Variants in COL24A1 observed in about 807,000 individuals in gnomAD.
COL24A1 encodes the protein collagen type XXIV alpha 1 chain.
COL24A1 carries 224 observed loss-of-function variants against 253.9 expected under a neutral mutation model. The observed-to-expected ratio is 0.88, with a 90% CI of 0.79 to 0.99. The LOEUF is 0.99. Ranked by LOEUF, COL24A1 falls within the 50% of genes least tolerant of loss-of-function variation. COL24A1 has a pLI of 0.00. For synonymous variants in COL24A1, 685 were observed against 673.7 expected (o/e 1.02, Z -0.26); for missense variants, 2,131 against 2,068.5 (o/e 1.03, Z -0.59).
intron 41 of COL24A1, 94 bp downstream of exon 41, chr1:85,841,974 T>C: frequency 9.0e-7 from 1 of 1,112,204 alleles, no homozygotes; most frequent in Admixed American, 1.9e-5. Flanking sequence ...AGTGCTTCTT[T>C]TATTCCTTGA....
intron 51 of COL24A1, among the ~76,000 whole-genome samples, chr1:85,782,441 G>A (rs185291473): frequency 1.3e-5 from 2 of 152,216 alleles, no homozygotes; most frequent in Admixed American, 6.5e-5. Flanking sequence ...TGTGCACAAC[G>A]TGCAGGTTAG....
At chr1:85,794,972 T>C (rs1030667923) in intron 47 of COL24A1, among the ~76,000 whole-genome samples, 17 of 152,140 alleles carry the variant, frequency 1.1e-4, no homozygotes, top group Non-Finnish European at 1.9e-4. Context: ...CTGAAACCCA[T>C]GGCTTCCTAA....
In COL24A1 at chr1:85,873,281, G is replaced by A. The variant is rs367992911; in HGVS notation, c.3138+1368C>T. On this transcript the variant is annotated intron_variant, in intron 35 of 59. Transcript: ENST00000370571. ...CAACCATTGTGGAAGACAGTGTGGC[G>A]ATTCCTCAAGGATCTAGAATTAGAA... Among the ~76,000 whole-genome samples, 314 of 152,062 alleles carry A rather than the reference G, an allele frequency of 2.1e-3. 10 individuals are homozygous for A. The South Asian group carries it at 0.052, about 25-fold the overall frequency.
chr1:85,935,572 C>A lies in COL24A1; in HGVS notation c.2563-24139G>T, dbSNP rs557469628. On this transcript the variant is annotated intron_variant, in intron 24 of 59. Transcript: ENST00000370571. ...GTTACTTTAGCTCACTGTACTTCAT[C>A]CTGTACCATTTAGGAAGATGTGACT... Among the ~76,000 whole-genome samples the A allele has an allele frequency of 4.1e-5, 6 of 147,704 alleles. 1 individual carries two copies. Among genetic ancestry groups the A allele is most frequent in the Admixed American group, 1.4e-4 (2 of 14,732 alleles).
chr1:85,887,655 G>C, intron 32 of COL24A1, among the ~76,000 whole-genome samples: 1 of 152,090 alleles, frequency 6.6e-6, no homozygotes, highest in East Asian at 1.9e-4. Flanking sequence ...ACTGAGGGCT[G>C]TAGTTTACCT....
intron 5 of COL24A1, among the ~76,000 whole-genome samples, chr1:86,094,392 A>G (rs1327616485): frequency 6.6e-6 from 1 of 152,150 alleles, no homozygotes; most frequent in East Asian, 1.9e-4. Flanking sequence ...TCACACAGGA[A>G]CAGAAAACCA....
chr1:85,961,711 G>T (rs939098321), intron 23 of COL24A1, among the ~76,000 whole-genome samples: 1 of 152,136 alleles, frequency 6.6e-6, no homozygotes, highest in Non-Finnish European at 1.5e-5. Context: ...TGACTGGGAG[G>T]CCTCAGGAAG....
At chr1:86,110,591 C>A (rs1179087433) in intron 5 of COL24A1, among the ~76,000 whole-genome samples, 2 of 151,892 alleles carry the variant, frequency 1.3e-5, no homozygotes, top group African/African-American at 2.4e-5. Context: ...GGGCTGCGTG[C>A]GGCGCTCGCG....
chr1:86,066,702 T>C (rs1212161983), intron 7 of COL24A1, among the ~76,000 whole-genome samples: 1 of 152,246 alleles, frequency 6.6e-6, no homozygotes, highest in African/African-American at 2.4e-5. Context: ...AACCTCAATG[T>C]CTTATTTTGT....
intron 43 of COL24A1, among the ~76,000 whole-genome samples, chr1:85,830,674 G>C (rs746557302): frequency 7.9e-5 from 12 of 152,130 alleles, no homozygotes; most frequent in Non-Finnish European, 1.3e-4. Flanking sequence ...GGGTCAGAGT[G>C]ACCCGATTTT....
intron 47 of COL24A1, among the ~76,000 whole-genome samples, chr1:85,798,010 T>C (rs956036806): frequency 6.6e-6 from 1 of 152,020 alleles, no homozygotes; most frequent in African/African-American, 2.4e-5. Flanking sequence ...CTAGGCAAGA[T>C]GGTGAGATCT....
At chr1:85,799,428 C>T (rs1671199238) in intron 47 of COL24A1, among the ~76,000 whole-genome samples, 1 of 147,968 alleles carries the variant, frequency 6.8e-6, no homozygotes. Context: ...ATGTCCTTAT[C>T]CTCGGTTGAA....
At chr1:86,074,824 G>A (rs2101866450) in intron 7 of COL24A1, among the ~76,000 whole-genome samples, 1 of 152,242 alleles carries the variant, frequency 6.6e-6, no homozygotes, top group South Asian at 2.1e-4. Context: ...CAAAATTAAG[G>A]CAGAAATAAA....
At chr1:85,940,943 G>A (rs752073603) in intron 24 of COL24A1, among the ~76,000 whole-genome samples, 22 of 152,140 alleles carry the variant, frequency 1.4e-4, no homozygotes, top group Non-Finnish European at 2.6e-4. Context: ...CACATAGCCT[G>A]CCCTTTTGAA....
chr1:86,045,202 C>T (rs1330350062), intron 12 of COL24A1, among the ~76,000 whole-genome samples: 2 of 152,122 alleles, frequency 1.3e-5, no homozygotes, highest in Non-Finnish European at 2.9e-5. Flanking sequence ...ATTGGCCAGG[C>T]TGGTCTCGAA....
intron 28 of COL24A1, among the ~76,000 whole-genome samples, chr1:85,905,351 T>C (rs1684702290): frequency 6.6e-6 from 1 of 151,992 alleles, no homozygotes; most frequent in Admixed American, 6.6e-5. Flanking sequence ...ATTACAGCCC[T>C]AGTGGGGAAT....
At chr1:86,141,392 T>C (rs1368148712) in intron 2 of COL24A1, among the ~76,000 whole-genome samples, 3 of 152,286 alleles carry the variant, frequency 2.0e-5, no homozygotes. Flanking sequence ...ATTGAATCAA[T>C]CGTAGAGGAA....
chr1:85,761,509 A>T, intron 54 of COL24A1, 22 bp downstream of exon 54: 1 of 1,614,086 alleles, frequency 6.2e-7, no homozygotes, highest in South Asian at 1.1e-5. Context: ...TGGTAAACAG[A>T]TATAAATGAA....
At chr1:85,733,300 T>G (rs1052526547) in intron 59 of COL24A1, among the ~76,000 whole-genome samples, 1 of 152,154 alleles carries the variant, frequency 6.6e-6, no homozygotes. Flanking sequence ...CTCCATTCTC[T>G]AAAAGAGGGG....
Sources: gnomAD v4.1 joint callset for allele counts (sites outside exome capture counted in the v4.1 genomes callset) on GRCh38, gnomAD v4.1.1 for gene constraint, MANE v1.5 for transcripts, NCBI Gene and HGNC (gene_info 2026-07-23, HGNC 2026-07-21) for gene names.